The following LNX2 variants were observed in gnomAD, a reference collection of about 807,000 sequenced individuals.
LNX2 encodes the protein ligand of numb-protein X 2.
Under a neutral mutation model 66.2 loss-of-function variants are expected in LNX2, and 35 were observed. The ratio of observed to expected loss-of-function variants is 0.53; its 90% CI spans 0.40 to 0.70. LNX2 has a LOEUF of 0.70. Ranked by LOEUF, LNX2 falls within the 30% of genes least tolerant of loss-of-function variation. LNX2 has a pLI of 0.00. For synonymous variants in LNX2, 337 were observed against 315.6 expected, an observed-to-expected ratio of 1.07 and a Z score of -0.72; for missense variants, 791 against 850.8, an observed-to-expected ratio of 0.93 and a Z score of 0.87.
intron 2 of LNX2, among the ~76,000 whole-genome samples, chr13:27,577,646 A>T (rs1311299772): frequency 6.6e-6 from 1 of 152,154 alleles, no homozygotes; most frequent in Non-Finnish European, 1.5e-5. Flanking sequence ...ATGAACAAGA[A>T]AAGTTCTCAG....
At position 27,566,949 on chromosome 13, in the gene LNX2, C is replaced by A. The variant is rs190171189; in HGVS notation, c.855+691G>T. ...ATTGTAGAACTCTTACCATCCTCCT[C>A]CCCTCATCTCAACTTGCCCTCTAAT... On this transcript the variant is annotated intron_variant, in intron 4 of 9. Transcript: ENST00000316334. Among the ~76,000 whole-genome samples, 10 of 152,290 alleles carry A rather than the reference C, an allele frequency of 6.6e-5. No homozygotes were observed. The East Asian group carries it at 1.9e-3, about 29-fold the overall frequency.
upstream of LNX2, chr13:27,620,545 C>G (rs1315876293): frequency 5.8e-6 from 1 of 171,986 alleles, no homozygotes; most frequent in African/African-American, 2.4e-5. Context: ...AAAGCAAACT[C>G]CGGCCAAGAC....
intron 1 of LNX2, among the ~76,000 whole-genome samples, chr13:27,606,552 A>G (rs1233233895): frequency 2.0e-5 from 3 of 152,184 alleles, no homozygotes; most frequent in Non-Finnish European, 4.4e-5. Context: ...GCAAAGTAAA[A>G]CAAATTTTGC....
At chr13:27,562,861 C>T in intron 4 of LNX2, 80 bp from the exon 5 acceptor site, 1 of 1,434,476 alleles carries the variant, frequency 7.0e-7, no homozygotes, top group Non-Finnish European at 9.5e-7. Context: ...GACATTTCCA[C>T]AGGAAACTAA....
chr13:27,562,583 C>T lies in LNX2; in HGVS notation c.1054G>A (p.Gly352Ser). Reference sequence around the variant, plus strand: ...TCTGTCCTTCGCACCAATTTAATGCCAAGCTGTTCACCAGAGTCCCGTTTA... The same window carrying T: ...TCTGTCCTTCGCACCAATTTAATGCTAAGCTGTTCACCAGAGTCCCGTTTA... ...LHKRDSGEQL[G>S]IKLVRRTDEP... is the part of the protein sequence containing the mutation. The change falls in exon 5 of 10, where the codon GGC (glycine) becomes AGC (serine). Residue 352 changes from glycine (G) to serine (S), a missense_variant. By Grantham distance (56) the Gly-to-Ser change is moderately conservative. Transcript: ENST00000316334. The T allele has an allele frequency of 6.2e-7, 1 of 1,614,144 alleles. No individual in the cohort carries two copies. The highest frequency in any genetic ancestry group is 8.5e-7 in the Non-Finnish European group (1 of 1,180,030).
intron 8 of LNX2, 83 bp downstream of exon 8, chr13:27,553,125 G>T: frequency 8.4e-6 from 9 of 1,071,486 alleles, no homozygotes; most frequent in South Asian, 1.5e-5. Context: ...TTATCCCAAC[G>T]AGTAAATTTA....
At chr13:27,569,636 T>G (rs1412420246) in intron 2 of LNX2, among the ~76,000 whole-genome samples, 1 of 152,208 alleles carries the variant, frequency 6.6e-6, no homozygotes, top group Non-Finnish European at 1.5e-5. Context: ...GTTAAATGGC[T>G]TAACCACAGC....
At position 27,567,818 on chromosome 13, in the gene LNX2, A is replaced by G. The variant is rs1955225402; in HGVS notation, c.677T>C (p.Leu226Ser). The change falls in exon 4 of 10, where the codon TTA becomes TCA. Residue 226 changes from leucine (L) to serine (S), a missense_variant. Transcript: ENST00000316334. Reference sequence around the variant, plus strand: ...AATCGTGGTGATTTCTCCTTCTGGTAAACTAAGTGGCTGTTGTGTGGCTGC... The same window carrying G: ...AATCGTGGTGATTTCTCCTTCTGGTGAACTAAGTGGCTGTTGTGTGGCTGC... ...GADTTQQPLS[L>S]PEGEITTIEI... 1 of 1,613,954 alleles carries G rather than the reference A, an allele frequency of 6.2e-7. No individual in the cohort carries two copies. Among genetic ancestry groups the G allele is most frequent in the African/African-American group, 1.3e-5 (1 of 74,922 alleles).
intron 1 of LNX2, among the ~76,000 whole-genome samples, chr13:27,582,830 T>C (rs969505897): frequency 2.0e-5 from 3 of 152,034 alleles, no homozygotes; most frequent in Admixed American, 2.0e-4. Flanking sequence ...CCATGGCACA[T>C]GTATACCTAA....
chr13:27,574,704 C>G (rs1488470570), intron 2 of LNX2, among the ~76,000 whole-genome samples: 3 of 152,124 alleles, frequency 2.0e-5, no homozygotes, highest in Non-Finnish European at 2.9e-5. Flanking sequence ...TCTACACATC[C>G]AAGAAGCTTA....
chr13:27,603,277 T>C (rs756072571), intron 1 of LNX2, among the ~76,000 whole-genome samples: 2 of 152,236 alleles, frequency 1.3e-5, no homozygotes, highest in Non-Finnish European at 2.9e-5. Flanking sequence ...TCTCATTTGC[T>C]ATACTAAAAT....
At chr13:27,593,865 G>A (rs1052268499) in intron 1 of LNX2, among the ~76,000 whole-genome samples, 2 of 151,402 alleles carry the variant, frequency 1.3e-5, no homozygotes, top group African/African-American at 4.9e-5. Context: ...CAAAGTGCTG[G>A]GATTACAGGT....
At position 27,547,604 on chromosome 13, in the gene LNX2, C is replaced by T. The variant is rs1345016341; in HGVS notation, c.*731G>A. 1.3e-5 allele frequency: 2 copies of T among 152,262 alleles called. No individual in the cohort carries two copies. Among genetic ancestry groups the T allele is most frequent in the African/African-American group, 4.8e-5 (2 of 41,450 alleles). The allele number at this position is 152,262 out of a possible 1,614,324, so 9.4% of individuals were successfully genotyped here. A position where few individuals can be genotyped will look rare whatever the true frequency, so the allele number is the denominator to read the frequency against. On this transcript the variant is annotated 3_prime_UTR_variant, in exon 10 of 10. Transcript: ENST00000316334. ...GGGTGCGGCAGCTCACACCTGTAAT[C>T]CCAGCACTTTGGGAGGCTGAGGCGG... is the stretch of plus-strand genomic sequence containing the variant.
chr13:27,602,927 C>T (rs890238833), intron 1 of LNX2, among the ~76,000 whole-genome samples: 1 of 151,968 alleles, frequency 6.6e-6, no homozygotes, highest in Non-Finnish European at 1.5e-5. Flanking sequence ...AGATACAGCA[C>T]AAAAATAATT....
intron 1 of LNX2, 41 bp from the exon 2 acceptor site, chr13:27,581,844 A>C: frequency 1.7e-6 from 1 of 580,288 alleles, no homozygotes; most frequent in Non-Finnish European, 2.9e-6. Flanking sequence ...GGTAATTAAT[A>C]TCAATCAAGA....
chr13:27,589,973 G>A (rs754275809), intron 1 of LNX2, among the ~76,000 whole-genome samples: 4 of 152,062 alleles, frequency 2.6e-5, no homozygotes, highest in African/African-American at 7.2e-5. Flanking sequence ...TTTTTGAGAC[G>A]GAGTCTCGCT....
intron 1 of LNX2, among the ~76,000 whole-genome samples, chr13:27,607,900 T>C (rs1955734509): frequency 6.6e-6 from 1 of 152,232 alleles, no homozygotes; most frequent in African/African-American, 2.4e-5. Context: ...CTGTAGATTC[T>C]AGTAACCAGC....
chr13:27,583,199 T>TGCGCGCGCGC (rs1955424388), intron 1 of LNX2, among the ~76,000 whole-genome samples: 2 of 13,306 alleles, frequency 1.5e-4, no homozygotes, highest in African/African-American at 4.7e-4. Context: ...TGTGTGTGTG[T>TGCGCGCGCGC]GTGTGTGTGT....
intron 4 of LNX2, among the ~76,000 whole-genome samples, chr13:27,563,512 C>CA (rs1955167616): frequency 6.6e-6 from 1 of 151,980 alleles, no homozygotes; most frequent in Non-Finnish European, 1.5e-5. Context: ...TTTATAATCT[C>CA]AAAAAAAGTA....
Sources: gnomAD v4.1 joint callset for allele counts (sites outside exome capture counted in the v4.1 genomes callset) on GRCh38, gnomAD v4.1.1 for gene constraint, MANE v1.5 for transcripts, NCBI Gene and HGNC (gene_info 2026-07-23, HGNC 2026-07-21) for gene names.